Variants in COLEC10 observed in about 807,000 individuals in gnomAD.
COLEC10 encodes collectin subfamily member 10, also known as collectin-10.
A neutral mutation model predicts 28.4 loss-of-function variants in COLEC10; 22 were observed. The ratio of observed to expected loss-of-function variants is 0.78; its 90% CI spans 0.55 to 1.11. COLEC10 has a LOEUF of 1.11. Ranked by LOEUF, COLEC10 falls within the 50% of genes least tolerant of loss-of-function variation. The pLI, the probability that COLEC10 is intolerant of heterozygous loss-of-function variation, is 0.00. For missense variants in COLEC10, 361 were observed against 344.1 expected (o/e 1.05, Z -0.39); for synonymous variants, 125 against 116.1 (o/e 1.08, Z -0.49).
At chr8:119,014,050 C>T (rs183287844) in intron 2 of COLEC10, among the ~76,000 whole-genome samples, 1 of 150,714 alleles carries the variant, frequency 6.6e-6, no homozygotes, top group Non-Finnish European at 1.5e-5. Flanking sequence ...CACATATACA[C>T]ACACATTCAA....
intron 2 of COLEC10, among the ~76,000 whole-genome samples, chr8:119,031,186 A>G (rs1230814487): frequency 1.3e-5 from 2 of 152,222 alleles, no homozygotes; most frequent in Admixed American, 6.5e-5. Flanking sequence ...GACCAAATGA[A>G]ATATCATGTG....
chr8:119,016,732 G>T (rs1054464251), intron 2 of COLEC10, among the ~76,000 whole-genome samples: 15 of 151,946 alleles, frequency 9.9e-5, no homozygotes, highest in African/African-American at 3.1e-4. Flanking sequence ...TTGTTTGTTT[G>T]TTTGAGACAG....
the COLEC10 span, among the ~76,000 whole-genome samples, chr8:118,982,037 T>G: frequency 6.6e-6 from 1 of 152,166 alleles, no homozygotes; most frequent in African/African-American, 2.4e-5. Flanking sequence ...TTATTGTTAA[T>G]TATTTACCTT....
chr8:119,047,637 T>A (rs1440102802), intron 2 of COLEC10, among the ~76,000 whole-genome samples: 7 of 152,220 alleles, frequency 4.6e-5, no homozygotes, highest in Admixed American at 2.6e-4. Context: ...AGAACTAACC[T>A]ATATTTAATA....
intron 5 of COLEC10, among the ~76,000 whole-genome samples, chr8:119,104,610 G>T (rs749696903): frequency 2.0e-5 from 3 of 152,058 alleles, no homozygotes; most frequent in Non-Finnish European, 4.4e-5. Flanking sequence ...GTTAAAATTG[G>T]TTTCTTTTTC....
intron 2 of COLEC10, among the ~76,000 whole-genome samples, chr8:119,020,020 G>C (rs6999476): frequency 0.68 from 103,019 of 152,072 alleles, 36,847 homozygotes; most frequent in African/African-American, 0.92. Flanking sequence ...ATCATGCATC[G>C]TCTCCTCTTT....
At chr8:119,016,856 A>G (rs753661410) in intron 2 of COLEC10, among the ~76,000 whole-genome samples, 3 of 152,106 alleles carry the variant, frequency 2.0e-5, no homozygotes, top group Non-Finnish European at 2.9e-5. Context: ...ATCTGGGACT[A>G]CAGGTACCCA....
At chr8:119,004,219 A>C (rs1813748073) in intron 1 of COLEC10, among the ~76,000 whole-genome samples, 1 of 152,018 alleles carries the variant, frequency 6.6e-6, no homozygotes, top group South Asian at 2.1e-4. Flanking sequence ...ATTAGTTATT[A>C]CTAGTTGAGC....
chr8:119,029,900 T>A (rs950636704), intron 2 of COLEC10, among the ~76,000 whole-genome samples: 1 of 152,234 alleles, frequency 6.6e-6, no homozygotes, highest in African/African-American at 2.4e-5. Context: ...GTTAGCAGCA[T>A]GGGTTGACCA....
At chr8:118,990,120 G>A in the COLEC10 span, among the ~76,000 whole-genome samples, 7 of 152,078 alleles carry the variant, frequency 4.6e-5, no homozygotes, top group East Asian at 1.4e-3. Flanking sequence ...AAAAACTGAA[G>A]TCTTATCAAC....
At chr8:119,091,546 C>A (rs1815595716) in intron 3 of COLEC10, among the ~76,000 whole-genome samples, 2 of 148,300 alleles carry the variant, frequency 1.3e-5, no homozygotes, top group East Asian at 2.0e-4. Flanking sequence ...CACAGTAAGA[C>A]CCTGTCTCGA....
intron 5 of COLEC10, among the ~76,000 whole-genome samples, chr8:119,105,330 A>G (rs1467550569): frequency 1.3e-5 from 2 of 152,260 alleles, no homozygotes; most frequent in Admixed American, 6.5e-5. Context: ...TGTCTATCCA[A>G]GGGCATTGGA....
chr8:118,993,516 G>A (rs372601869), upstream of COLEC10, among the ~76,000 whole-genome samples: 27 of 152,042 alleles, frequency 1.8e-4, no homozygotes, highest in African/African-American at 6.5e-4. Flanking sequence ...CATCACACCC[G>A]GCTAATTTTT....
intron 1 of COLEC10, among the ~76,000 whole-genome samples, chr8:119,075,317 G>A (rs569733320): frequency 1.3e-5 from 2 of 152,162 alleles, no homozygotes; most frequent in East Asian, 3.9e-4. Flanking sequence ...CAGTGTGTCT[G>A]TTTTTTTGCA....
chr8:119,039,304 G>T, intron 2 of COLEC10, among the ~76,000 whole-genome samples: 1 of 152,160 alleles, frequency 6.6e-6, no homozygotes, highest in Non-Finnish European at 1.5e-5. Context: ...TCCAGAAACC[G>T]TTCCCAGTCC....
chr8:118,981,189 A>G, the COLEC10 span, among the ~76,000 whole-genome samples: 13 of 152,220 alleles, frequency 8.5e-5, no homozygotes, highest in African/African-American at 2.9e-4. Context: ...TAAAGCAAGC[A>G]ATGAAACCAA....
intron 1 of COLEC10, among the ~76,000 whole-genome samples, chr8:119,006,558 G>A (rs1224772001): frequency 2.6e-5 from 4 of 152,010 alleles, no homozygotes; most frequent in Non-Finnish European, 5.9e-5. Flanking sequence ...GCTGACACAT[G>A]GTATGGTCCC....
chr8:119,102,471 T>A (rs942209599), intron 4 of COLEC10, 70 bp downstream of exon 4: 8 of 1,283,022 alleles, frequency 6.2e-6, no homozygotes, highest in African/African-American at 1.5e-5. Context: ...AAAATAAATA[T>A]ATTTCAAATG....
Position 119,091,573 on chromosome 8 carries a change from AAG to A in COLEC10, c.292+377_292+378del, listed in dbSNP as rs765113777. Among the ~76,000 whole-genome samples the A allele has an allele frequency of 1.2e-3, 165 of 140,600 alleles. 1 individual carries two copies. The highest frequency in any genetic ancestry group is 7.0e-3 in the Middle Eastern group (2 of 284). The allele number at this position is 140,600 out of a possible 152,430, so 92.2% of individuals were successfully genotyped here. Reference sequence around the variant, plus strand: ...CTGTCTCGAAAGAAAGAAAGAAAGAAAGAGAGAGAGAGAGAGAGAGAGAGAAA... The same window carrying A: ...CTGTCTCGAAAGAAAGAAAGAAAGAAAGAGAGAGAGAGAGAGAGAGAGAAA... On this transcript the variant is annotated intron_variant, in intron 3 of 5. Coordinates refer to ENST00000332843, the MANE Select transcript of COLEC10 (RefSeq NM_006438.5).
Sources: allele counts gnomAD v4.1 joint callset (sites outside exome capture counted in the v4.1 genomes callset), GRCh38; gene constraint gnomAD v4.1.1; transcripts MANE v1.5; gene names NCBI Gene and HGNC (gene_info 2026-07-23, HGNC 2026-07-21).